The following MTERF3 variants were observed in gnomAD, a reference collection of about 807,000 sequenced individuals.
MTERF3 encodes transcription termination factor 3, mitochondrial.
Under a neutral mutation model 40.5 loss-of-function variants are expected in MTERF3, and 40 were observed. That is an observed-to-expected ratio of 0.99 (90% confidence interval 0.77 to 1.29). The LOEUF is 1.29. Ranked by LOEUF, MTERF3 falls within the 50% of genes most tolerant of loss-of-function variation. MTERF3 has a pLI of 0.00. For synonymous variants in MTERF3, 158 were observed against 166.6 expected, an observed-to-expected ratio of 0.95 and a Z score of 0.40; for missense variants, 452 against 478.2, an observed-to-expected ratio of 0.95 and a Z score of 0.51.
chr8:96,259,286 A>G (rs1810337689), intron 1 of MTERF3, among the ~76,000 whole-genome samples: 1 of 152,234 alleles, frequency 6.6e-6, no homozygotes, highest in Admixed American at 6.5e-5. Flanking sequence ...TCAGGGCTGA[A>G]CACTGTTGAT....
chr8:96,260,249 T>G (rs1185944691), intron 1 of MTERF3: 1 of 152,212 alleles, frequency 6.6e-6, no homozygotes, highest in East Asian at 1.9e-4. Flanking sequence ...AATACCCTGC[T>G]GGGATAGGTG....
intron 7 of MTERF3, among the ~76,000 whole-genome samples, chr8:96,243,345 C>T (rs1809961553): frequency 6.6e-6 from 1 of 152,100 alleles, no homozygotes; most frequent in African/African-American, 2.4e-5. Context: ...TAATTGTGTG[C>T]CTACTTAGTG....
intron 6 of MTERF3, 73 bp downstream of exon 6, chr8:96,245,787 C>G: frequency 7.5e-7 from 1 of 1,339,730 alleles, no homozygotes; most frequent in Non-Finnish European, 1.0e-6. Flanking sequence ...ATGACAATAG[C>G]AAAATCTGTT....
At chr8:96,241,270 C>T (rs1809923729) in intron 7 of MTERF3, among the ~76,000 whole-genome samples, 1 of 151,902 alleles carries the variant, frequency 6.6e-6, no homozygotes, top group Non-Finnish European at 1.5e-5. Context: ...ATTAGCTGGG[C>T]ATGGTGGCAG....
chr8:96,260,704 G>A (rs1017835111), intron 1 of MTERF3, among the ~76,000 whole-genome samples: 2 of 152,186 alleles, frequency 1.3e-5, no homozygotes, highest in African/African-American at 2.4e-5. Flanking sequence ...TACAACTAAT[G>A]TTTATCCTTG....
chr8:96,240,107 G>A (rs2129860096), intron 7 of MTERF3, among the ~76,000 whole-genome samples: 1 of 152,256 alleles, frequency 6.6e-6, no homozygotes, highest in South Asian at 2.1e-4. Context: ...AATTAGCTGG[G>A]CGTGGTGGCG....
At chr8:96,257,375 G>C in intron 2 of MTERF3, 1 of 291,596 alleles carries the variant, frequency 3.4e-6, no homozygotes, top group East Asian at 6.3e-5. Flanking sequence ...TTAATCAGTA[G>C]GTGAGAATGC....
chr8:96,245,820 T>G (rs771805732), intron 6 of MTERF3, 40 bp downstream of exon 6: 2 of 1,572,234 alleles, frequency 1.3e-6, no homozygotes, highest in South Asian at 1.1e-5. Context: ...TTTTAACACT[T>G]AAAGAAACTG....
chr8:96,249,539 T>A (rs921277107), intron 4 of MTERF3, among the ~76,000 whole-genome samples: 1 of 152,168 alleles, frequency 6.6e-6, no homozygotes, highest in African/African-American at 2.4e-5. Flanking sequence ...GTGTCTCACA[T>A]ATAGAAGGGC....
At chr8:96,240,681 T>C (rs923951460) in intron 7 of MTERF3, among the ~76,000 whole-genome samples, 1 of 152,286 alleles carries the variant, frequency 6.6e-6, no homozygotes, top group South Asian at 2.1e-4. Context: ...GCTACAGCCC[T>C]GAAGCCTGAG....
chr8:96,250,333 T>C (rs368101737), intron 4 of MTERF3, among the ~76,000 whole-genome samples: 1 of 145,710 alleles, frequency 6.9e-6, no homozygotes, highest in East Asian at 2.0e-4. Flanking sequence ...TGATGGGTTT[T>C]TTTTTTTTTT....
chr8:96,247,330 TGA>T (rs1280321420), intron 4 of MTERF3, among the ~76,000 whole-genome samples: 1 of 152,214 alleles, frequency 6.6e-6, no homozygotes, highest in Non-Finnish European at 1.5e-5. Flanking sequence ...TTTTGTCAAC[TGA>T]GAGATTTTCC....
chr8:96,247,006 T>C (rs1364002246), intron 4 of MTERF3, among the ~76,000 whole-genome samples: 1 of 152,058 alleles, frequency 6.6e-6, no homozygotes, highest in Non-Finnish European at 1.5e-5. Flanking sequence ...AGAGTCCCGC[T>C]CTGTTGCCCA....
At chr8:96,250,702 AGGGGGAGGGGG>A (rs1810163523) in intron 4 of MTERF3, among the ~76,000 whole-genome samples, 193 bp downstream of exon 4, 37 of 24,400 alleles carry the variant, frequency 1.5e-3, no homozygotes, top group Non-Finnish European at 2.3e-3. Flanking sequence ...GGAGGGGGGG[AGGGGGAGGGGG>A]AGAAGAAGAA....
At chr8:96,246,585 AT>A in intron 4 of MTERF3, 131 bp from the exon 5 acceptor site, 1 of 716,914 alleles carries the variant, frequency 1.4e-6, no homozygotes, top group Non-Finnish European at 2.1e-6. Context: ...TACTAACTAA[AT>A]AAAAGCATTC....
intron 3 of MTERF3, among the ~76,000 whole-genome samples, chr8:96,255,272 G>T (rs1029904865): frequency 1.3e-5 from 2 of 152,170 alleles, no homozygotes; most frequent in Non-Finnish European, 2.9e-5. Flanking sequence ...GGATTTGAAA[G>T]AAATAGAGAG....
intron 3 of MTERF3, among the ~76,000 whole-genome samples, chr8:96,253,288 G>A (rs1006647288): frequency 2.0e-5 from 3 of 152,138 alleles, no homozygotes; most frequent in East Asian, 1.9e-4. Context: ...TTACCACGGC[G>A]CAGAGGGACT....
intron 3 of MTERF3, among the ~76,000 whole-genome samples, chr8:96,251,994 G>A (rs1456059449): frequency 6.6e-6 from 1 of 152,144 alleles, no homozygotes; most frequent in Non-Finnish European, 1.5e-5. Context: ...TCTTTGCTGT[G>A]CTGTTGTGTG....
At chr8:96,257,475 C>T (rs747841766) in intron 2 of MTERF3, among the ~76,000 whole-genome samples, 3 of 152,206 alleles carry the variant, frequency 2.0e-5, no homozygotes, top group Non-Finnish European at 4.4e-5. Flanking sequence ...CATATGCCAA[C>T]AGTCTGAATT....
Sources: allele counts gnomAD v4.1 joint callset (sites outside exome capture counted in the v4.1 genomes callset), GRCh38; gene constraint gnomAD v4.1.1; transcripts MANE v1.5; gene names NCBI Gene and HGNC (gene_info 2026-07-23, HGNC 2026-07-21).